NTNG1: variants seen among roughly 807,000 people sequenced by gnomAD.
NTNG1 encodes the protein netrin G1.
NTNG1 carries 16 observed loss-of-function variants against 54.0 expected under a neutral mutation model. The ratio of observed to expected loss-of-function variants is 0.30; its 90% confidence interval spans 0.20 to 0.45. The LOEUF is 0.45. Among genes scored for constraint, NTNG1 ranks in the 20% least tolerant of loss-of-function variants. The pLI is 1.00. For missense variants in NTNG1, 530 were observed against 678.7 expected (o/e 0.78, Z 2.43); for synonymous variants, 255 against 263.1 (o/e 0.97, Z 0.30).
At chr1:107,149,782 G>A (rs1654421589) in intron 2 of NTNG1, among the ~76,000 whole-genome samples, 1 of 151,808 alleles carries the variant, frequency 6.6e-6, no homozygotes, top group South Asian at 2.1e-4. Context: ...TTTAATTATA[G>A]GTGGTTTTTA....
In NTNG1 at chr1:107,252,098, T is replaced by G. The variant is rs200335898; in HGVS notation, c.247-72184T>G. ...GGACAGTAGCATCTGCATCAGACGT[T>G]GTGAACTAAATGGTTCATAGATGGA... On this transcript the variant is annotated intron_variant, in intron 2 of 7. Coordinates refer to ENST00000370068, the MANE Select transcript of NTNG1 (RefSeq NM_001113226.3). Among the ~76,000 whole-genome samples the G allele has an allele frequency of 1.0e-3, 154 of 152,334 alleles. 2 individuals carry two copies. The East Asian group carries it at 0.025, about 25-fold the overall frequency.
chr1:107,184,852 T>G (rs1018534670), intron 2 of NTNG1, among the ~76,000 whole-genome samples: 1 of 152,184 alleles, frequency 6.6e-6, no homozygotes, highest in Admixed American at 6.5e-5. Flanking sequence ...ACTTAAAGAT[T>G]TCTGTAGATC....
At chr1:107,419,234 T>C (rs1218150284) in intron 5 of NTNG1, among the ~76,000 whole-genome samples, 1 of 125,582 alleles carries the variant, frequency 8.0e-6, no homozygotes, top group Non-Finnish European at 1.8e-5. Context: ...CGCTACCTCC[T>C]CCCTCCTCTC....
At chr1:107,470,598 G>A (rs1032405631) in intron 7 of NTNG1, among the ~76,000 whole-genome samples, 19 of 152,150 alleles carry the variant, frequency 1.2e-4, no homozygotes, top group African/African-American at 4.3e-4. Flanking sequence ...ACTTTGAAAC[G>A]ATGATTTTTA....
chr1:107,148,344 G>C lies in NTNG1; in HGVS notation c.-250G>C, dbSNP rs559090412. The C allele has an allele frequency of 2.3e-6, 1 of 426,560 alleles. No homozygotes were observed. The allele number at this position is 426,560 out of a possible 1,614,324, so 26.4% of individuals were successfully genotyped here. On this transcript the variant is annotated 5_prime_UTR_variant, in exon 2 of 8. Transcript: ENST00000370068. ...AAAGAAAAAGCTGCAAGTTGTTAAC[G>C]CCTAACACACAAGTATGTTAGGCTT...
At chr1:107,413,483 G>A (rs559572468) in intron 5 of NTNG1, among the ~76,000 whole-genome samples, 9 of 152,150 alleles carry the variant, frequency 5.9e-5, no homozygotes, top group African/African-American at 1.9e-4. Flanking sequence ...GCTATTTCCA[G>A]ATTTCCTGAG....
intron 6 of NTNG1, among the ~76,000 whole-genome samples, chr1:107,434,211 G>A (rs1271398807): frequency 1.3e-5 from 2 of 152,118 alleles, no homozygotes; most frequent in Non-Finnish European, 2.9e-5. Flanking sequence ...ACAAAATGTA[G>A]GCTCTGTGTG....
At chr1:107,224,335 A>C (rs987689593) in intron 2 of NTNG1, among the ~76,000 whole-genome samples, 1 of 152,202 alleles carries the variant, frequency 6.6e-6, no homozygotes, top group Non-Finnish European at 1.5e-5. Context: ...TTTCCTTGAA[A>C]TGAACTGCCC....
intron 2 of NTNG1, among the ~76,000 whole-genome samples, chr1:107,279,703 A>T (rs764918590): frequency 7.9e-5 from 12 of 152,238 alleles, no homozygotes; most frequent in Non-Finnish European, 1.6e-4. Flanking sequence ...TTCATTCTGC[A>T]TTGATGACTT....
At chr1:107,399,671 G>A (rs181781205) in intron 4 of NTNG1, among the ~76,000 whole-genome samples, 1 of 152,214 alleles carries the variant, frequency 6.6e-6, no homozygotes, top group East Asian at 1.9e-4. Context: ...TTAAACACAT[G>A]GAATATTGTG....
chr1:107,379,405 T>C (rs370144344), intron 3 of NTNG1, among the ~76,000 whole-genome samples: 5 of 152,308 alleles, frequency 3.3e-5, no homozygotes, highest in African/African-American at 1.2e-4. Context: ...ACAGTGGCCT[T>C]CAGATTTGAT....
intron 2 of NTNG1, among the ~76,000 whole-genome samples, chr1:107,166,256 CAA>C (rs1655784968): frequency 6.6e-6 from 1 of 152,136 alleles, no homozygotes; most frequent in Non-Finnish European, 1.5e-5. Context: ...AAGGAAACTG[CAA>C]AGTCTTGTAT....
intron 2 of NTNG1, among the ~76,000 whole-genome samples, chr1:107,165,267 G>A (rs2101068814): frequency 6.6e-6 from 1 of 152,282 alleles, no homozygotes; most frequent in South Asian, 2.1e-4. Context: ...CAAAGAATAA[G>A]AGAGCTGAAC....
At chr1:107,372,589 C>G (rs1670988724) in intron 3 of NTNG1, among the ~76,000 whole-genome samples, 1 of 151,986 alleles carries the variant, frequency 6.6e-6, no homozygotes, top group East Asian at 1.9e-4. Flanking sequence ...AGTAAATGCT[C>G]TGTATATACA....
chr1:107,203,750 T>TTGTATC (rs1658944514), intron 2 of NTNG1, among the ~76,000 whole-genome samples: 4 of 151,626 alleles, frequency 2.6e-5, no homozygotes, highest in Admixed American at 2.6e-4. Context: ...TCTATTCCCT[T>TTGTATC]TACTCTATAC....
At chr1:107,353,424 A>G (rs568330534) in intron 3 of NTNG1, among the ~76,000 whole-genome samples, 11 of 152,352 alleles carry the variant, frequency 7.2e-5, no homozygotes, top group Admixed American at 2.0e-4. Flanking sequence ...TTGCTAACAC[A>G]TAACAAAGGT....
chr1:107,416,065 T>G (rs1446662163), intron 5 of NTNG1, among the ~76,000 whole-genome samples: 1 of 152,176 alleles, frequency 6.6e-6, no homozygotes. Flanking sequence ...TTAAAAAGTC[T>G]CGTGATGGCC....
intron 5 of NTNG1, among the ~76,000 whole-genome samples, chr1:107,427,304 G>T (rs1167578646): frequency 2.6e-5 from 4 of 152,078 alleles, no homozygotes; most frequent in Non-Finnish European, 5.9e-5. Flanking sequence ...AAAAGGAAGT[G>T]ATTATAAGGA....
intron 3 of NTNG1, among the ~76,000 whole-genome samples, chr1:107,357,077 C>G (rs1264948152): frequency 1.3e-5 from 2 of 152,152 alleles, no homozygotes; most frequent in African/African-American, 4.8e-5. Context: ...TCAGCAGTGC[C>G]TAACCAGACA....
Sources: gnomAD v4.1 joint callset for allele counts (sites outside exome capture counted in the v4.1 genomes callset) on GRCh38, gnomAD v4.1.1 for gene constraint, MANE v1.5 for transcripts, NCBI Gene and HGNC (gene_info 2026-07-23, HGNC 2026-07-21) for gene names.